EML6: variants seen among roughly 807,000 people sequenced by gnomAD.
EML6 encodes echinoderm microtubule-associated protein-like 6.
Under a neutral mutation model 240.1 loss-of-function variants are expected in EML6, and 154 were observed. That is an observed-to-expected ratio of 0.64 (90% confidence interval 0.56 to 0.73). The LOEUF is 0.73. Ranked by LOEUF, EML6 falls within the 30% of genes least tolerant of loss-of-function variation. The probability of loss-of-function intolerance (pLI) is 0.00; values close to 1 mark genes in which losing one functional copy is unlikely to be tolerated. For missense variants in EML6, 2,964 were observed against 2,474.6 expected (o/e 1.20, Z -4.20); for synonymous variants, 1,148 against 899.0 (o/e 1.28, Z -4.95).
chr2:54,941,835 A>C (rs1196907976), intron 28 of EML6, among the ~76,000 whole-genome samples: 1 of 152,048 alleles, frequency 6.6e-6, no homozygotes, highest in Non-Finnish European at 1.5e-5. Flanking sequence ...TCTTCATCCC[A>C]CCCCTTCGTT....
At chr2:54,873,150 TG>T (rs1330830826) in intron 16 of EML6, among the ~76,000 whole-genome samples, 1 of 152,240 alleles carries the variant, frequency 6.6e-6, no homozygotes, top group Non-Finnish European at 1.5e-5. Flanking sequence ...AAACCACGTT[TG>T]GGTGAAAACT....
At chr2:54,884,874 C>T (rs1255681120) in intron 17 of EML6, among the ~76,000 whole-genome samples, 1 of 152,134 alleles carries the variant, frequency 6.6e-6, no homozygotes, top group Non-Finnish European at 1.5e-5. Flanking sequence ...AGATTTTCCT[C>T]CAATCAAGAA....
chr2:54,884,535 G>A (rs373562473), intron 17 of EML6, among the ~76,000 whole-genome samples: 1 of 152,160 alleles, frequency 6.6e-6, no homozygotes, highest in African/African-American at 2.4e-5. Context: ...CCATCCTGAA[G>A]CTACCTCTGG....
intron 2 of EML6, among the ~76,000 whole-genome samples, chr2:54,811,076 T>G (rs1056640463): frequency 1.3e-5 from 2 of 152,060 alleles, no homozygotes; most frequent in East Asian, 3.9e-4. Flanking sequence ...TCACCCCCAG[T>G]AGCTCTTGAC....
chr2:54,960,047 G>A (rs1676422983), intron 34 of EML6, among the ~76,000 whole-genome samples, 173 bp from the exon 35 acceptor site: 1 of 152,226 alleles, frequency 6.6e-6, no homozygotes, highest in African/African-American at 2.4e-5. Context: ...GGATTGCTTA[G>A]CACCAGGGCC....
chr2:54,933,778 T>C (rs1004728817), intron 28 of EML6, among the ~76,000 whole-genome samples: 3 of 151,942 alleles, frequency 2.0e-5, no homozygotes, highest in African/African-American at 7.3e-5. Context: ...CTATCCTATA[T>C]GTAATTTGAA....
chr2:54,923,672 G>A (rs1046507276), intron 26 of EML6, among the ~76,000 whole-genome samples: 1 of 152,040 alleles, frequency 6.6e-6, no homozygotes, highest in Non-Finnish European at 1.5e-5. Flanking sequence ...ATACATAAAT[G>A]TTCAGTGTTC....
intron 2 of EML6, among the ~76,000 whole-genome samples, chr2:54,797,914 A>G (rs1669908537): frequency 6.6e-6 from 1 of 152,134 alleles, no homozygotes; most frequent in Non-Finnish European, 1.5e-5. Flanking sequence ...TCAAGATTTA[A>G]TATAGTGTGA....
Position 54,903,194 on chromosome 2 carries a change from A to T in EML6, c.3275A>T (p.Lys1092Ile). The part of the protein sequence containing the change: ...KEMISDIKFS[K>I]DTGKYLAVAS... ...ATGATCTCTGATATTAAGTTTTCAA[A>T]AGGTGAAGATGACAGCAGATACTTT... is the stretch of plus-strand genomic sequence containing the variant. The change falls in exon 23 of 42, where the codon AAA (lysine) becomes ATA (isoleucine). Residue 1092 changes from lysine (K) to isoleucine (I), a missense_variant and splice_region_variant. Coordinates refer to ENST00000356458, the MANE Select transcript of EML6 (RefSeq NM_001039753.4). 1 of 1,551,818 alleles carries T rather than the reference A, an allele frequency of 6.4e-7. No homozygotes were observed. The highest frequency in any genetic ancestry group is 8.7e-7 in the Non-Finnish European group (1 of 1,146,890).
intron 7 of EML6, among the ~76,000 whole-genome samples, chr2:54,834,644 C>CA (rs941940496): frequency 8.5e-5 from 13 of 152,054 alleles, no homozygotes; most frequent in Non-Finnish European, 1.5e-4. Context: ...TTTTAACTAC[C>CA]AACACATATT....
chr2:54,782,250 A>T (rs187549207), intron 2 of EML6, among the ~76,000 whole-genome samples: 3 of 152,252 alleles, frequency 2.0e-5, no homozygotes, highest in Admixed American at 1.3e-4. Context: ...CTTTTCCCTG[A>T]TATTTCCCTA....
chr2:54,835,356 A>G (rs2104225893), intron 7 of EML6, among the ~76,000 whole-genome samples: 1 of 152,342 alleles, frequency 6.6e-6, no homozygotes, highest in African/African-American at 2.4e-5. Flanking sequence ...TCCTGGAAGT[A>G]GCTGTCAGGT....
intron 7 of EML6, among the ~76,000 whole-genome samples, chr2:54,830,076 A>T (rs1344647687): frequency 6.6e-6 from 1 of 152,226 alleles, no homozygotes; most frequent in South Asian, 2.1e-4. Flanking sequence ...TGAGGACTAA[A>T]TATACTTGCA....
chr2:54,886,075 A>G (rs1401668480), intron 17 of EML6, among the ~76,000 whole-genome samples: 2 of 151,588 alleles, frequency 1.3e-5, no homozygotes, highest in Admixed American at 6.6e-5. Context: ...AGCATAATGA[A>G]CCTTCTGTAC....
chr2:54,860,322 C>T (rs913202312), intron 12 of EML6, among the ~76,000 whole-genome samples: 5 of 152,120 alleles, frequency 3.3e-5, no homozygotes, highest in Non-Finnish European at 4.4e-5. Flanking sequence ...AAAGAAGCCT[C>T]GGTTTGATAC....
At chr2:54,818,255 TTTTA>T (rs1668166688) in intron 4 of EML6, among the ~76,000 whole-genome samples, 2 of 152,156 alleles carry the variant, frequency 1.3e-5, no homozygotes, top group Non-Finnish European at 2.9e-5. Flanking sequence ...TAGAAAGAGC[TTTTA>T]TTGTTAAATT....
At chr2:54,958,896 A>G (rs1281748080) in intron 33 of EML6, among the ~76,000 whole-genome samples, 2 of 151,694 alleles carry the variant, frequency 1.3e-5, no homozygotes, top group Non-Finnish European at 2.9e-5. Flanking sequence ...AGCCAGTTAA[A>G]TATAGTGAAT....
intron 35 of EML6, among the ~76,000 whole-genome samples, chr2:54,961,184 G>GTTGTTTTTTTTGTTTTTTT: frequency 1.8e-5 from 1 of 55,424 alleles, no homozygotes; most frequent in East Asian, 6.3e-4. Context: ...TCAGGAAGTA[G>GTTGTTTTTTTTGTTTTTTT]TTTTTTTTTT....
chr2:54,797,923 G>A (rs1284047947), intron 2 of EML6, among the ~76,000 whole-genome samples: 1 of 152,068 alleles, frequency 6.6e-6, no homozygotes, highest in African/African-American at 2.4e-5. Flanking sequence ...AATATAGTGT[G>A]AGTCCTCTAA....
Sources: allele counts gnomAD v4.1 joint callset (sites outside exome capture counted in the v4.1 genomes callset), GRCh38; gene constraint gnomAD v4.1.1; transcripts MANE v1.5; gene names NCBI Gene and HGNC (gene_info 2026-07-23, HGNC 2026-07-21).